SAMHD1: variants seen among roughly 807,000 people sequenced by gnomAD.
The protein encoded by SAMHD1 is deoxynucleoside triphosphate triphosphohydrolase SAMHD1.
A neutral mutation model predicts 79.6 loss-of-function variants in SAMHD1; 54 were observed. The observed-to-expected ratio is 0.68, with a 90% CI of 0.55 to 0.85. The LOEUF is 0.85. Among genes scored for constraint, SAMHD1 ranks in the 40% least tolerant of loss-of-function variants. SAMHD1 has a pLI of 0.00. For missense variants in SAMHD1, 663 were observed against 782.7 expected (o/e 0.85, Z 1.82); for synonymous variants, 260 against 264.1 (o/e 0.98, Z 0.15).
intron 15 of SAMHD1, among the ~76,000 whole-genome samples, chr20:36,895,801 C>T (rs926521753): frequency 6.6e-6 from 1 of 152,158 alleles, no homozygotes. Flanking sequence ...AGTTGGCCCT[C>T]TGCATCCATG....
intron 13 of SAMHD1, among the ~76,000 whole-genome samples, chr20:36,899,533 AG>A (rs1280856386): frequency 2.6e-5 from 4 of 152,222 alleles, no homozygotes; most frequent in Admixed American, 6.6e-5. Flanking sequence ...TGAAAAGCAA[AG>A]GGTGCTTTGA....
chr20:36,910,037 A>G (rs949353241), intron 11 of SAMHD1, among the ~76,000 whole-genome samples: 1 of 151,840 alleles, frequency 6.6e-6, no homozygotes, highest in African/African-American at 2.4e-5. Context: ...ATCCTGGCTA[A>G]CAAGGTGAAA....
At chr20:36,942,356 T>C (rs561814281) in intron 2 of SAMHD1, among the ~76,000 whole-genome samples, 1 of 152,178 alleles carries the variant, frequency 6.6e-6, no homozygotes, top group East Asian at 1.9e-4. Flanking sequence ...AGGCGGAGAT[T>C]GCGGTGAGCC....
intron 11 of SAMHD1, among the ~76,000 whole-genome samples, chr20:36,907,960 C>T (rs920478256): frequency 1.3e-5 from 2 of 152,016 alleles, no homozygotes; most frequent in Admixed American, 6.6e-5. Flanking sequence ...ATTGCAGCCT[C>T]CGCCTCCTGG....
chr20:36,913,108 C>T (rs1344034310), intron 9 of SAMHD1, among the ~76,000 whole-genome samples: 2 of 149,364 alleles, frequency 1.3e-5, no homozygotes, highest in East Asian at 2.0e-4. Flanking sequence ...GCCATTCTCC[C>T]GCCTCAGTCT....
intron 13 of SAMHD1, among the ~76,000 whole-genome samples, 182 bp from the exon 14 acceptor site, chr20:36,898,726 A>G (rs1175428097): frequency 6.6e-6 from 1 of 152,008 alleles, no homozygotes; most frequent in East Asian, 1.9e-4. Flanking sequence ...AGCCTGGCCA[A>G]CATAGTGAAA....
In SAMHD1 at chr20:36,951,566, A is replaced by C; in HGVS notation, c.78T>G (p.Pro26=). The change falls in exon 1 of 16, where the codon CCT becomes CCG. Residue 26 remains proline (P), a synonymous_variant. Transcript: ENST00000646673. ...DDSPRTPSNT[P]SAEADWSPGL... is the part of the protein sequence containing the mutation. ...CCGGGGACCAGTCTGCCTCTGCGGAAGGGGTGTTTGAGGGGGTTCTCGGGC... is the reference window on the plus strand; with the variant it reads ...CCGGGGACCAGTCTGCCTCTGCGGACGGGGTGTTTGAGGGGGTTCTCGGGC... 1 of 1,614,144 alleles carries C rather than the reference A, an allele frequency of 6.2e-7. No individual in the cohort carries two copies. Among genetic ancestry groups the C allele is most frequent in the Non-Finnish European group, 8.5e-7 (1 of 1,179,986 alleles).
chr20:36,938,012 C>T (rs1263251580), intron 3 of SAMHD1, among the ~76,000 whole-genome samples: 2 of 151,680 alleles, frequency 1.3e-5, no homozygotes, highest in African/African-American at 2.4e-5. Context: ...GTGTGCACTA[C>T]CACACCCAGC....
chr20:36,916,682 GAAC>G (rs1265847126), intron 9 of SAMHD1, 37 bp downstream of exon 9: 2 of 1,390,972 alleles, frequency 1.4e-6, no homozygotes, highest in East Asian at 4.6e-5. Context: ...TTCAGACCAG[GAAC>G]AACATTCTTC....
intron 13 of SAMHD1, among the ~76,000 whole-genome samples, chr20:36,902,364 G>A (rs1223463615): frequency 6.6e-6 from 1 of 152,108 alleles, no homozygotes. Context: ...TGTATTTTTA[G>A]TAGAGATGGG....
At chr20:36,908,273 C>T (rs1383180335) in intron 11 of SAMHD1, among the ~76,000 whole-genome samples, 3 of 151,954 alleles carry the variant, frequency 2.0e-5, no homozygotes, top group African/African-American at 7.3e-5. Flanking sequence ...TACAGGGTCT[C>T]GCTCTGTTAC....
At chr20:36,905,127 A>G in intron 12 of SAMHD1, 2 of 519,522 alleles carry the variant, frequency 3.8e-6, no homozygotes, top group Non-Finnish European at 6.9e-6. Context: ...GAGTTAAGTT[A>G]GACCTGGCTT....
chr20:36,920,702 G>A (rs1696818478), intron 6 of SAMHD1, among the ~76,000 whole-genome samples: 1 of 150,906 alleles, frequency 6.6e-6, no homozygotes, highest in South Asian at 2.1e-4. Flanking sequence ...GGTGGAGGTT[G>A]CAGTGAGCCG....
At chr20:36,930,399 G>A (rs1005319976) in intron 5 of SAMHD1, among the ~76,000 whole-genome samples, 2 of 152,014 alleles carry the variant, frequency 1.3e-5, no homozygotes, top group Non-Finnish European at 2.9e-5. Flanking sequence ...GGGAGGCTGA[G>A]GCACGAGAAT....
chr20:36,934,954 G>A, intron 4 of SAMHD1, 75 bp downstream of exon 4: 1 of 1,490,874 alleles, frequency 6.7e-7, no homozygotes, highest in African/African-American at 1.4e-5. Flanking sequence ...CACCATGCCT[G>A]GCCTAAGATA....
chr20:36,911,136 A>T (rs545432589), intron 11 of SAMHD1, 82 bp downstream of exon 11: 1 of 781,964 alleles, frequency 1.3e-6, no homozygotes, highest in Admixed American at 2.1e-5. Flanking sequence ...AAATAAAAGA[A>T]AGAAAAATAA....
chr20:36,939,811 G>A (rs2063629628), intron 3 of SAMHD1, among the ~76,000 whole-genome samples: 1 of 152,124 alleles, frequency 6.6e-6, no homozygotes. Context: ...CTTAACCTAG[G>A]AATGTCAAAA....
intron 9 of SAMHD1, among the ~76,000 whole-genome samples, chr20:36,914,885 G>A (rs187556156): frequency 1.4e-3 from 207 of 151,076 alleles, no homozygotes; most frequent in African/African-American, 4.7e-3. Context: ...AGTGGCATGC[G>A]CCTGTGGTCC....
rs1427115650 is a variant in SAMHD1, at chr20:36,891,366, C to T, written c.*1566G>A. Reference sequence around the variant, plus strand: ...CTGCTGGCCTGTGGTCTGAGTTCCCCTACTTGCTCAGGCTGCCCCTCACTC... The same window carrying T: ...CTGCTGGCCTGTGGTCTGAGTTCCCTTACTTGCTCAGGCTGCCCCTCACTC... On this transcript the variant is annotated 3_prime_UTR_variant, in exon 16 of 16. Coordinates refer to ENST00000646673, the MANE Select transcript of SAMHD1 (RefSeq NM_015474.4). 6.6e-6 allele frequency: 1 copy of T among 152,368 alleles called. No homozygotes were observed. The highest frequency in any genetic ancestry group is 6.5e-5 in the Admixed American group (1 of 15,284). 9.4% of individuals were successfully genotyped at this position (152,368 alleles called of 1,614,324 possible). A position where few individuals can be genotyped will look rare whatever the true frequency, so the allele number is the denominator to read the frequency against.
Sources: allele counts gnomAD v4.1 joint callset (sites outside exome capture counted in the v4.1 genomes callset), GRCh38; gene constraint gnomAD v4.1.1; transcripts MANE v1.5; gene names NCBI Gene and HGNC (gene_info 2026-07-23, HGNC 2026-07-21).